UNC13C: variants seen among roughly 807,000 people sequenced by gnomAD.
UNC13C encodes protein unc-13 homolog C.
In UNC13C, 174 loss-of-function variants were observed where a neutral mutation model predicts 245.4. That is an observed-to-expected ratio of 0.71 (90% CI 0.63 to 0.80). UNC13C has a LOEUF of 0.80. UNC13C is among the 30% of genes least tolerant of loss of function. UNC13C has a pLI of 0.00. For synonymous variants in UNC13C, 992 were observed against 895.1 expected, an observed-to-expected ratio of 1.11 and a Z score of -1.93; for missense variants, 2,829 against 2,602.9, an observed-to-expected ratio of 1.09 and a Z score of -1.89.
intron 19 of UNC13C, among the ~76,000 whole-genome samples, chr15:54,450,391 G>A (rs1891102546): frequency 6.6e-6 from 1 of 152,228 alleles, no homozygotes; most frequent in African/African-American, 2.4e-5. Context: ...GAGGCCGGCA[G>A]GCCTCCTTGA....
intron 30 of UNC13C, among the ~76,000 whole-genome samples, chr15:54,588,442 A>C (rs1390102356): frequency 2.6e-5 from 4 of 152,212 alleles, no homozygotes; most frequent in Non-Finnish European, 5.9e-5. Context: ...AAGATTAAAT[A>C]AATCAATATA....
At chr15:54,512,839 A>G (rs1174398601) in intron 24 of UNC13C, among the ~76,000 whole-genome samples, 1 of 152,068 alleles carries the variant, frequency 6.6e-6, no homozygotes, top group Admixed American at 6.6e-5. Context: ...GCTCCTTCCC[A>G]TGTGATTTTG....
At chr15:54,618,818 TA>T (rs1900616854) in intron 30 of UNC13C, among the ~76,000 whole-genome samples, 1 of 152,138 alleles carries the variant, frequency 6.6e-6, no homozygotes, top group Non-Finnish European at 1.5e-5. Flanking sequence ...AATACAGGAC[TA>T]TGAAAATAAC....
At chr15:53,846,951 C>T in the UNC13C span, among the ~76,000 whole-genome samples, 1 of 152,092 alleles carries the variant, frequency 6.6e-6, no homozygotes, top group Non-Finnish European at 1.5e-5. Flanking sequence ...TCAAGTCTCA[C>T]AGTGTAGGGC....
chr15:54,497,864 T>TG (rs1203863674), intron 20 of UNC13C, among the ~76,000 whole-genome samples: 1 of 152,144 alleles, frequency 6.6e-6, no homozygotes. Context: ...TGAAGGTCTC[T>TG]GCCCTAGAAA....
At chr15:54,261,976 G>C (rs72730883) in intron 8 of UNC13C, among the ~76,000 whole-genome samples, 1 of 152,062 alleles carries the variant, frequency 6.6e-6, no homozygotes, top group Non-Finnish European at 1.5e-5. Flanking sequence ...GTACATATTA[G>C]AATAGATATT....
At chr15:53,875,501 T>C in the UNC13C span, among the ~76,000 whole-genome samples, 2 of 152,090 alleles carry the variant, frequency 1.3e-5, no homozygotes, top group Admixed American at 1.3e-4. Context: ...GTAAGGTGAT[T>C]TGAAGGCTCA....
In UNC13C at chr15:54,319,967, G is replaced by T. The variant is rs1317512782; in HGVS notation, c.4269-1972G>T. On this transcript the variant is annotated intron_variant, in intron 13 of 32. Coordinates refer to ENST00000260323, the MANE Select transcript of UNC13C (RefSeq NM_001080534.3). ...CCATTATTCAAGGTTTAAAAGAAATGATCTTTAAGCATAAAGCTGGCATTA... is the reference window on the plus strand; with the variant it reads ...CCATTATTCAAGGTTTAAAAGAAATTATCTTTAAGCATAAAGCTGGCATTA... Among the ~76,000 whole-genome samples, 6 of 152,074 alleles carry T rather than the reference G, an allele frequency of 3.9e-5. No individual in the cohort carries two copies. The East Asian group carries it at 7.8e-4, about 20-fold the overall frequency.
At chr15:54,028,137 G>A (rs1896195185) in intron 2 of UNC13C, among the ~76,000 whole-genome samples, 1 of 152,130 alleles carries the variant, frequency 6.6e-6, no homozygotes, top group South Asian at 2.1e-4. Context: ...AGTGTTGGCT[G>A]GGATCTATGT....
At chr15:54,540,402 T>C (rs958945815) in intron 26 of UNC13C, among the ~76,000 whole-genome samples, 4 of 152,046 alleles carry the variant, frequency 2.6e-5, no homozygotes, top group African/African-American at 7.2e-5. Flanking sequence ...CATTTGAAAA[T>C]TGTCTGATTA....
At chr15:54,615,374 ATGAC>A (rs1233361989) in intron 30 of UNC13C, among the ~76,000 whole-genome samples, 5 of 152,134 alleles carry the variant, frequency 3.3e-5, no homozygotes, top group South Asian at 2.1e-4. Context: ...GCATAGTCCC[ATGAC>A]TGACTGACTT....
the UNC13C span, among the ~76,000 whole-genome samples, chr15:53,839,608 G>A: frequency 9.2e-5 from 14 of 151,794 alleles, 1 homozygote; most frequent in Middle Eastern, 6.8e-3. Flanking sequence ...TTTTGTTTAT[G>A]TACTGTGACA....
At chr15:53,841,740 A>T in the UNC13C span, among the ~76,000 whole-genome samples, 2 of 152,250 alleles carry the variant, frequency 1.3e-5, no homozygotes, top group African/African-American at 4.8e-5. Context: ...GGACTGGAAG[A>T]TCGTCAGGGG....
the UNC13C span, among the ~76,000 whole-genome samples, chr15:53,846,085 A>G: frequency 6.6e-5 from 10 of 152,168 alleles, no homozygotes; most frequent in African/African-American, 2.2e-4. Context: ...ATTTTGCCCA[A>G]TTGTAGGCTA....
chr15:54,088,026 G>A (rs911772570), intron 2 of UNC13C, among the ~76,000 whole-genome samples: 12 of 151,702 alleles, frequency 7.9e-5, no homozygotes, highest in Admixed American at 3.9e-4. Flanking sequence ...ATGCCTACAA[G>A]TAACACCTAT....
chr15:54,070,371 G>A (rs1310606305), intron 2 of UNC13C, among the ~76,000 whole-genome samples: 1 of 152,128 alleles, frequency 6.6e-6, no homozygotes, highest in African/African-American at 2.4e-5. Flanking sequence ...ATGGAAGGCA[G>A]CCCGTGCCAA....
rs3985783 is a variant in UNC13C at position 54,093,192 on chromosome 15, C to CA, written c.2984-49814dup. Among the ~76,000 whole-genome samples, 278 of 146,514 alleles carry CA rather than the reference C, an allele frequency of 1.9e-3. 1 individual carries two copies. Among genetic ancestry groups the CA allele is most frequent in the East Asian group, 5.7e-3 (28 of 4,954 alleles). ...ACAGGGTGCTAAAAAATGTAAATTACAAAAAAAAAAAAGCCAAAATCAATC... is the reference window on the plus strand; with the variant it reads ...ACAGGGTGCTAAAAAATGTAAATTACAAAAAAAAAAAAAGCCAAAATCAATC... On this transcript the variant is annotated intron_variant, in intron 2 of 32. Coordinates refer to ENST00000260323, the MANE Select transcript of UNC13C (RefSeq NM_001080534.3).
chr15:54,267,664 TCTCCCCTA>T (rs2036580986), intron 10 of UNC13C, among the ~76,000 whole-genome samples: 1 of 152,062 alleles, frequency 6.6e-6, no homozygotes, highest in Admixed American at 6.6e-5. Flanking sequence ...GTATAACATA[TCTCCCCTA>T]CTCCTCCAAC....
In UNC13C at chr15:54,627,089, A is replaced by G; in HGVS notation, c.6621A>G (p.Thr2207=). 1 of 1,612,334 alleles carries G rather than the reference A, an allele frequency of 6.2e-7. No homozygotes were observed. Among genetic ancestry groups the G allele is most frequent in the African/African-American group, 1.3e-5 (1 of 75,004 alleles). ...AKEFVRLKSE[T]RSTEESA The stretch of plus-strand genomic sequence containing the variant: ...AATTTGTAAGACTTAAATCTGAAAC[A>G]AGATCTACTGAAGAGAGTGCTTGAA... Residue 2207 remains threonine, a synonymous_variant, in exon 33 of 33, where the codon ACA becomes ACG. Transcript: ENST00000260323.
Sources: allele counts gnomAD v4.1 joint callset (sites outside exome capture counted in the v4.1 genomes callset), GRCh38; gene constraint gnomAD v4.1.1; transcripts MANE v1.5; gene names NCBI Gene and HGNC (gene_info 2026-07-23, HGNC 2026-07-21).